The following TMEM132D variants were observed in gnomAD, a reference collection of about 807,000 sequenced individuals.
TMEM132D encodes mature OL transmembrane protein.
A neutral mutation model predicts 62.3 loss-of-function variants in TMEM132D; 21 were observed. That is an observed-to-expected ratio of 0.34 (90% confidence interval 0.24 to 0.49). The LOEUF (loss-of-function observed/expected upper bound fraction) is 0.49. Among genes scored for constraint, TMEM132D ranks in the 20% least tolerant of loss-of-function variants. The pLI, the probability that TMEM132D is intolerant of heterozygous loss-of-function variation, is 0.99. For synonymous variants in TMEM132D, 621 were observed against 575.6 expected, an observed-to-expected ratio of 1.08 and a Z score of -1.13; for missense variants, 1,346 against 1,402.8, an observed-to-expected ratio of 0.96 and a Z score of 0.65.
At chr12:129,146,908 C>T (rs1876915178) in intron 5 of TMEM132D, among the ~76,000 whole-genome samples, 1 of 152,036 alleles carries the variant, frequency 6.6e-6, no homozygotes, top group Admixed American at 6.6e-5. Flanking sequence ...AACTGAGGCT[C>T]AGAGGAATGA....
intron 1 of TMEM132D, among the ~76,000 whole-genome samples, chr12:129,715,288 T>G (rs779697945): frequency 1.3e-5 from 2 of 151,894 alleles, no homozygotes; most frequent in Non-Finnish European, 2.9e-5. Context: ...ACAACGGAAA[T>G]GATACCAAGC....
intron 3 of TMEM132D, among the ~76,000 whole-genome samples, chr12:129,457,861 G>C (rs868826631): frequency 3.3e-5 from 5 of 152,234 alleles, no homozygotes; most frequent in African/African-American, 1.2e-4. Flanking sequence ...CCCTCAGCAG[G>C]TCTCCCCTCC....
chr12:129,814,298 C>CAT, intron 1 of TMEM132D, among the ~76,000 whole-genome samples: 1 of 152,068 alleles, frequency 6.6e-6, no homozygotes, highest in African/African-American at 2.4e-5. Flanking sequence ...GTTATATAGG[C>CAT]ATATTTCACC....
intron 3 of TMEM132D, among the ~76,000 whole-genome samples, chr12:129,490,423 C>CTTTTTTTTT (rs11311745): frequency 5.1e-5 from 3 of 58,552 alleles, no homozygotes; most frequent in Non-Finnish European, 5.8e-5. Context: ...ATTTCCTTTC[C>CTTTTTTTTT]TTTTTTTTTT....
Position 129,700,196 on chromosome 12 carries a change from G to C in TMEM132D, c.582C>G (p.Ala194=), listed in dbSNP as rs774769439. The change falls in exon 2 of 9, where the codon GCC becomes GCG. Residue 194 remains alanine, a synonymous_variant. Coordinates refer to ENST00000422113, the MANE Select transcript of TMEM132D (RefSeq NM_133448.3). ...RLQGDLGLCV[A]ELELLSSWFS... ...ACCAGCTGGACAGGAGCTCCAGCTC[G>C]GCCACGCACAGCCCCAGGTCCCCCT... The C allele has an allele frequency of 6.2e-7, 1 of 1,612,812 alleles. No individual in the cohort carries two copies. The highest frequency in any genetic ancestry group is 8.5e-7 in the Non-Finnish European group (1 of 1,179,954).
chr12:129,419,292 G>A (rs1872225930), intron 3 of TMEM132D, among the ~76,000 whole-genome samples: 2 of 152,066 alleles, frequency 1.3e-5, no homozygotes, highest in South Asian at 4.2e-4. Context: ...ACTGTGATGG[G>A]TTCAGAAACG....
rs75947152 is a variant in TMEM132D at position 129,755,910 on chromosome 12, C to G, written c.80-55212G>C. Among the ~76,000 whole-genome samples, 821 of 152,276 alleles carry G rather than the reference C, an allele frequency of 5.4e-3. 8 individuals carry two copies. The highest frequency in any genetic ancestry group is 0.019 in the African/African-American group (786 of 41,548). On this transcript the variant is annotated intron_variant, in intron 1 of 8. Coordinates refer to ENST00000422113, the MANE Select transcript of TMEM132D (RefSeq NM_133448.3). ...ATCTCCAACACACGTGGGGAAAATT[C>G]CCCAGTGTAGTTGAGCTCACATAGA...
At chr12:129,558,991 T>C (rs978711828) in intron 2 of TMEM132D, among the ~76,000 whole-genome samples, 2 of 152,236 alleles carry the variant, frequency 1.3e-5, no homozygotes, top group African/African-American at 4.8e-5. Flanking sequence ...TCCTACTTTG[T>C]TGAATGCAAA....
intron 2 of TMEM132D, among the ~76,000 whole-genome samples, chr12:129,547,799 A>C (rs1414558045): frequency 6.6e-6 from 1 of 152,164 alleles, no homozygotes; most frequent in African/African-American, 2.4e-5. Context: ...ACTTTGTAAG[A>C]GTTGTTATGA....
intron 4 of TMEM132D, among the ~76,000 whole-genome samples, chr12:129,263,368 G>A (rs1013008627): frequency 6.6e-6 from 1 of 152,138 alleles, no homozygotes; most frequent in Admixed American, 6.5e-5. Flanking sequence ...TAAGTGCCTA[G>A]CTTACTTCAC....
At chr12:129,232,174 T>C (rs1879660708) in intron 4 of TMEM132D, among the ~76,000 whole-genome samples, 1 of 152,152 alleles carries the variant, frequency 6.6e-6, no homozygotes, top group East Asian at 1.9e-4. Context: ...GATATTCTAA[T>C]AGGCAGCAAA....
At chr12:129,797,776 C>T (rs1393486499) in intron 1 of TMEM132D, among the ~76,000 whole-genome samples, 1 of 152,176 alleles carries the variant, frequency 6.6e-6, no homozygotes, top group Non-Finnish European at 1.5e-5. Context: ...CTGGGCTGCA[C>T]ACCTAGATGG....
At chr12:129,512,469 C>G (rs1205568773) in intron 3 of TMEM132D, among the ~76,000 whole-genome samples, 3 of 152,170 alleles carry the variant, frequency 2.0e-5, no homozygotes, top group Non-Finnish European at 4.4e-5. Context: ...AACAAGATGA[C>G]AGAGAGACAT....
chr12:129,350,997 C>T (rs2135667983), intron 3 of TMEM132D, among the ~76,000 whole-genome samples: 1 of 152,272 alleles, frequency 6.6e-6, no homozygotes, highest in East Asian at 1.9e-4. Flanking sequence ...TAATAGTCAC[C>T]ACCAGACTGA....
chr12:129,783,786 C>T (rs34321498), intron 1 of TMEM132D, among the ~76,000 whole-genome samples: 8,318 of 152,246 alleles, frequency 0.055, 313 homozygotes, highest in Middle Eastern at 0.092. Context: ...TGATATTTAG[C>T]GACTGGCTAA....
At chr12:129,113,906 T>C (rs1029198056) in intron 5 of TMEM132D, among the ~76,000 whole-genome samples, 1 of 151,758 alleles carries the variant, frequency 6.6e-6, no homozygotes, top group Non-Finnish European at 1.5e-5. Flanking sequence ...GTAGATGAGA[T>C]TGAGACTCTC....
intron 5 of TMEM132D, among the ~76,000 whole-genome samples, chr12:129,192,715 G>A (rs1454333166): frequency 6.6e-6 from 1 of 152,124 alleles, no homozygotes; most frequent in Non-Finnish European, 1.5e-5. Flanking sequence ...AGATTTTGTG[G>A]CACAAATGGG....
intron 2 of TMEM132D, among the ~76,000 whole-genome samples, chr12:129,666,469 T>C (rs562594821): frequency 6.6e-6 from 1 of 152,348 alleles, no homozygotes; most frequent in South Asian, 2.1e-4. Context: ...GTTTTAAAGA[T>C]TATTGGTAAA....
At chr12:129,484,979 G>A (rs1874541129) in intron 3 of TMEM132D, among the ~76,000 whole-genome samples, 1 of 152,192 alleles carries the variant, frequency 6.6e-6, no homozygotes, top group South Asian at 2.1e-4. Flanking sequence ...GGGCCAAAGG[G>A]ACATGGTCAC....
Sources: gnomAD v4.1 joint callset for allele counts (sites outside exome capture counted in the v4.1 genomes callset) on GRCh38, gnomAD v4.1.1 for gene constraint, MANE v1.5 for transcripts, NCBI Gene and HGNC (gene_info 2026-07-23, HGNC 2026-07-21) for gene names.